Variants in RPF2 observed in about 807,000 individuals in gnomAD.
RPF2 encodes the protein brix domain containing 1.
In RPF2, 21 loss-of-function variants were observed where a neutral mutation model predicts 38.9. The observed-to-expected ratio is 0.54, with a 90% CI of 0.38 to 0.78. The LOEUF is 0.78. Among genes scored for constraint, RPF2 ranks in the 30% least tolerant of loss-of-function variants. The pLI, the probability that RPF2 is intolerant of heterozygous loss-of-function variation, is 0.00. For synonymous variants in RPF2, 121 were observed against 126.2 expected, an observed-to-expected ratio of 0.96 and a Z score of 0.28; for missense variants, 314 against 358.1, an observed-to-expected ratio of 0.88 and a Z score of 0.99.
intron 7 of RPF2, among the ~76,000 whole-genome samples, chr6:111,012,606 G>T (rs1414920583): frequency 1.3e-5 from 2 of 152,168 alleles, no homozygotes; most frequent in African/African-American, 4.8e-5. Context: ...CTAAGGTCAT[G>T]CATTTACCAA....
intron 7 of RPF2, among the ~76,000 whole-genome samples, chr6:111,010,544 G>T (rs1298922864): frequency 1.3e-5 from 2 of 152,138 alleles, no homozygotes; most frequent in Non-Finnish European, 2.9e-5. Flanking sequence ...AGTCCTTTAT[G>T]GTCCTATTTC....
intron 7 of RPF2, among the ~76,000 whole-genome samples, chr6:111,013,706 T>G (rs1772057786): frequency 6.6e-6 from 1 of 152,232 alleles, no homozygotes; most frequent in Non-Finnish European, 1.5e-5. Flanking sequence ...GTACTCTGAC[T>G]TCAGTAATGC....
chr6:111,009,024 C>T (rs1351016822), intron 7 of RPF2, among the ~76,000 whole-genome samples: 2 of 151,608 alleles, frequency 1.3e-5, no homozygotes, highest in African/African-American at 4.9e-5. Context: ...CTAAGCCTCC[C>T]GAGTAGCTGG....
In RPF2 at chr6:111,025,810, T is replaced by C; in HGVS notation, c.*228T>C. On this transcript the variant is annotated 3_prime_UTR_variant, in exon 10 of 10. Transcript: ENST00000441448. ...TTTTCTCTTGTGATATCCCCTGCCC[T>C]CCACAAATTCTTCTTTCTCATTGGG... The C allele has an allele frequency of 6.8e-6, 2 of 294,292 alleles. No homozygotes were observed. Among genetic ancestry groups the C allele is most frequent in the South Asian group, 1.6e-4 (2 of 12,392 alleles). The allele number at this position is 294,292 out of a possible 1,614,324, so 18.2% of individuals were successfully genotyped here.
chr6:111,007,293 ACTTTTAATTTTATT>A (rs1364759806), intron 6 of RPF2, among the ~76,000 whole-genome samples: 2 of 152,154 alleles, frequency 1.3e-5, no homozygotes, highest in Non-Finnish European at 2.9e-5. Flanking sequence ...TGCAAGAGTA[ACTTTTAATTTTATT>A]CTTTGCGTAG....
At chr6:110,996,958 C>T (rs1484089251) in intron 4 of RPF2, among the ~76,000 whole-genome samples, 2 of 152,130 alleles carry the variant, frequency 1.3e-5, no homozygotes, top group Admixed American at 6.6e-5. Context: ...TGTGCCTTCA[C>T]ACCTGGCTGT....
intron 4 of RPF2, among the ~76,000 whole-genome samples, chr6:110,992,833 T>C (rs1349286329): frequency 6.6e-6 from 1 of 152,094 alleles, no homozygotes. Context: ...TCCCAGCACT[T>C]TGGGAGGCCA....
chr6:110,993,756 A>G (rs1259849806), intron 4 of RPF2, among the ~76,000 whole-genome samples: 1 of 152,176 alleles, frequency 6.6e-6, no homozygotes, highest in Non-Finnish European at 1.5e-5. Flanking sequence ...TTTATTAGCT[A>G]TCTGAATCCC....
rs1332949165 is a variant in RPF2 at position 111,017,313 on chromosome 6, C to T, written c.596+1457C>T. ...GGGGCGGCGGCTGGGCGGAGGCGCC[C>T]CCACCTCCCTCCCGGATGGGGCGGC... On this transcript the variant is annotated intron_variant, in intron 8 of 9. Transcript: ENST00000441448. Among the ~76,000 whole-genome samples, 94 of 137,248 alleles carry T rather than the reference C, an allele frequency of 6.8e-4. 1 individual carries two copies. The highest frequency in any genetic ancestry group is 2.3e-3 in the African/African-American group (87 of 38,178). 90.0% of individuals were successfully genotyped at this position (137,248 alleles called of 152,430 possible). A position where few individuals can be genotyped will look rare whatever the true frequency, so the allele number is the denominator to read the frequency against.
At chr6:111,016,302 T>C (rs374138522) in intron 8 of RPF2, among the ~76,000 whole-genome samples, 111 of 152,190 alleles carry the variant, frequency 7.3e-4, no homozygotes, top group African/African-American at 2.5e-3. Flanking sequence ...TAAATATAAA[T>C]CTTAAGCAGG....
chr6:111,013,899 G>T (rs1240686409), intron 7 of RPF2, among the ~76,000 whole-genome samples: 1 of 152,186 alleles, frequency 6.6e-6, no homozygotes, highest in Non-Finnish European at 1.5e-5. Flanking sequence ...CACTTTGAGA[G>T]ACCAAGGCAG....
At chr6:111,004,122 A>G (rs1029526014) in intron 6 of RPF2, among the ~76,000 whole-genome samples, 1 of 151,746 alleles carries the variant, frequency 6.6e-6, no homozygotes, top group East Asian at 1.9e-4. Flanking sequence ...CAGCTCATCT[A>G]TTGTAGACTC....
chr6:110,985,296 C>T (rs549318975), intron 2 of RPF2, among the ~76,000 whole-genome samples, 158 bp downstream of exon 2: 11 of 152,210 alleles, frequency 7.2e-5, no homozygotes, highest in South Asian at 6.2e-4. Context: ...ATTTACCTTG[C>T]GTGGCACCTT....
intron 5 of RPF2, among the ~76,000 whole-genome samples, 161 bp from the exon 6 acceptor site, chr6:110,999,550 A>G (rs1252661281): frequency 2.0e-5 from 3 of 152,160 alleles, no homozygotes; most frequent in Non-Finnish European, 2.9e-5. Flanking sequence ...ATAAAAATCA[A>G]TAAGTAGAGT....
chr6:111,010,287 A>G (rs1319011423), intron 7 of RPF2, among the ~76,000 whole-genome samples: 2 of 151,422 alleles, frequency 1.3e-5, no homozygotes. Context: ...TGCCCAGCTA[A>G]TTTTTATTTT....
intron 8 of RPF2, 57 bp from the exon 9 acceptor site, chr6:111,024,126 G>C: frequency 6.9e-7 from 1 of 1,446,412 alleles, no homozygotes; most frequent in Non-Finnish European, 9.3e-7. Context: ...AAAATATTTG[G>C]TGGAGAGGAC....
chr6:111,025,630 AT>A lies in RPF2; in HGVS notation c.*50del. The A allele has an allele frequency of 7.1e-7, 1 of 1,400,452 alleles. No homozygotes were observed. The highest frequency in any genetic ancestry group is 1.3e-5 in the South Asian group (1 of 75,242). 86.8% of individuals were successfully genotyped at this position (1,400,452 alleles called of 1,614,324 possible). Reference sequence around the variant, plus strand: ...GTTTCATTGTGTTCTACTTAAGAGAATTATCAAGCGTCAATCCATTCAGAGT... The same window carrying A: ...GTTTCATTGTGTTCTACTTAAGAGAATATCAAGCGTCAATCCATTCAGAGT... On this transcript the variant is annotated 3_prime_UTR_variant, in exon 10 of 10. Transcript: ENST00000441448.
At chr6:111,006,143 C>G (rs1771903831) in intron 6 of RPF2, among the ~76,000 whole-genome samples, 2 of 151,902 alleles carry the variant, frequency 1.3e-5, no homozygotes, top group Admixed American at 6.6e-5. Context: ...GTCTCCCAGG[C>G]TGGTCTCAAA....
chr6:111,026,220 T>C lies in RPF2; in HGVS notation c.*638T>C, dbSNP rs1772325987. On this transcript the variant is annotated 3_prime_UTR_variant, in exon 10 of 10. Transcript: ENST00000441448. ...AACCTGTGTTTTTTGGTTGGTTTGT[T>C]TTTAAGAGATGGGGTCTTGTTCTGT... 1.3e-5 allele frequency: 2 copies of C among 152,360 alleles called. No individual in the cohort carries two copies. Among genetic ancestry groups the C allele is most frequent in the Admixed American group, 1.3e-4 (2 of 15,270 alleles). 9.4% of individuals were successfully genotyped at this position (152,360 alleles called of 1,614,324 possible). A position where few individuals can be genotyped will look rare whatever the true frequency, so the allele number is the denominator to read the frequency against.
Sources: allele counts gnomAD v4.1 joint callset (sites outside exome capture counted in the v4.1 genomes callset), GRCh38; gene constraint gnomAD v4.1.1; transcripts MANE v1.5; gene names NCBI Gene and HGNC (gene_info 2026-07-23, HGNC 2026-07-21).